EYA3: variants seen among roughly 807,000 people sequenced by gnomAD.
EYA3 encodes the protein EYA transcriptional coactivator and phosphatase 3.
In EYA3, 39 loss-of-function variants were observed where a neutral mutation model predicts 80.0. The ratio of observed to expected loss-of-function variants is 0.49; its 90% confidence interval spans 0.38 to 0.64. EYA3 has a LOEUF of 0.64. Ranked by LOEUF, EYA3 falls within the 30% of genes least tolerant of loss-of-function variation. The pLI, the probability that EYA3 is intolerant of heterozygous loss-of-function variation, is 0.00. For missense variants in EYA3, 523 were observed against 676.1 expected (o/e 0.77, Z 2.51); for synonymous variants, 206 against 232.8 (o/e 0.88, Z 1.05).
intron 13 of EYA3, among the ~76,000 whole-genome samples, chr1:27,995,421 G>GA (rs55902170): frequency 0.074 from 5,830 of 79,176 alleles, 152 homozygotes; most frequent in Non-Finnish European, 0.093. Flanking sequence ...ATCTTAAAAG[G>GA]AAAAAAAAAA....
intron 1 of EYA3, among the ~76,000 whole-genome samples, chr1:28,063,300 TA>T (rs1280274018): frequency 2.2e-4 from 27 of 124,790 alleles, no homozygotes; most frequent in African/African-American, 4.2e-4. Context: ...CTTATATATA[TA>T]TATATTTTTT....
chr1:28,064,618 T>C (rs961162533), intron 1 of EYA3, among the ~76,000 whole-genome samples: 10 of 152,142 alleles, frequency 6.6e-5, no homozygotes, highest in Non-Finnish European at 2.9e-5. Context: ...TATCATTTAC[T>C]GAGCATATAT....
At chr1:28,063,315 A>T (rs970332649) in intron 1 of EYA3, among the ~76,000 whole-genome samples, 1,528 of 80,646 alleles carry the variant, frequency 0.019, 14 homozygotes, top group African/African-American at 0.062. Context: ...ATTTTTTTTT[A>T]TTTTTAATTT....
intron 1 of EYA3, among the ~76,000 whole-genome samples, chr1:28,061,901 C>T (rs891577475): frequency 2.1e-5 from 3 of 141,726 alleles, no homozygotes; most frequent in East Asian, 2.1e-4. Flanking sequence ...GCCCGGTCAA[C>T]GGTTTTTTTT....
intron 7 of EYA3, among the ~76,000 whole-genome samples, chr1:28,022,635 C>T (rs7537329): frequency 0.025 from 3,766 of 152,222 alleles, 92 homozygotes; most frequent in African/African-American, 0.063. Context: ...AGTATACCTA[C>T]ATATATTTGT....
At chr1:28,075,519 G>A (rs1174255621) in intron 1 of EYA3, among the ~76,000 whole-genome samples, 2 of 152,178 alleles carry the variant, frequency 1.3e-5, no homozygotes, top group Non-Finnish European at 2.9e-5. Flanking sequence ...TCTGGGAATG[G>A]AGTTTTGAAG....
chr1:27,995,911 C>T (rs944692962), intron 13 of EYA3, among the ~76,000 whole-genome samples: 9 of 152,186 alleles, frequency 5.9e-5, no homozygotes, highest in African/African-American at 2.2e-4. Flanking sequence ...CTCACTCTGT[C>T]ACCCAGGTTG....
At chr1:27,991,520 G>A (rs533808950) in intron 14 of EYA3, among the ~76,000 whole-genome samples, 1 of 152,212 alleles carries the variant, frequency 6.6e-6, no homozygotes, top group South Asian at 2.1e-4. Context: ...ATTTTCTACA[G>A]TGAAGGTTAA....
intron 16 of EYA3, among the ~76,000 whole-genome samples, chr1:27,984,347 T>G (rs2148713082): frequency 6.6e-6 from 1 of 152,324 alleles, no homozygotes; most frequent in East Asian, 1.9e-4. Flanking sequence ...TATATTTAAC[T>G]GTATGTAAAA....
intron 3 of EYA3, among the ~76,000 whole-genome samples, chr1:28,043,546 T>G (rs1274608587): frequency 6.6e-6 from 1 of 152,008 alleles, no homozygotes; most frequent in African/African-American, 2.4e-5. Context: ...GTTTTCAAAT[T>G]ACACGTTTGG....
In EYA3 at chr1:28,010,943, A is replaced by T. The variant is rs766211409; in HGVS notation, c.909+4T>A. Reference sequence around the variant, plus strand: ...TAGGTAACTAAATCAGTTTCTTCTCATACTTCTAATTCACTGTCTTGGGAA... The same window carrying T: ...TAGGTAACTAAATCAGTTTCTTCTCTTACTTCTAATTCACTGTCTTGGGAA... On this transcript the variant is annotated splice_donor_region_variant and intron_variant, in intron 10 of 17. Coordinates refer to ENST00000373871, the MANE Select transcript of EYA3 (RefSeq NM_001990.4). The T allele has an allele frequency of 2.5e-6, 4 of 1,609,242 alleles. No homozygotes were observed. The Admixed American group carries it at 6.8e-5, about 28-fold the overall frequency.
intron 1 of EYA3, among the ~76,000 whole-genome samples, chr1:28,064,382 AT>A (rs1644754527): frequency 6.9e-6 from 1 of 144,386 alleles, no homozygotes; most frequent in Non-Finnish European, 1.5e-5. Flanking sequence ...CTCTCTCTAT[AT>A]ATATATATAT....
intron 1 of EYA3, among the ~76,000 whole-genome samples, chr1:28,069,670 G>A (rs1644956603): frequency 6.6e-6 from 1 of 150,408 alleles, no homozygotes; most frequent in African/African-American, 2.4e-5. Flanking sequence ...AAGAGAGGAG[G>A]GGGGAAATCC....
intron 12 of EYA3, among the ~76,000 whole-genome samples, chr1:27,997,944 T>G (rs1412648400): frequency 1.3e-5 from 2 of 152,226 alleles, no homozygotes; most frequent in Non-Finnish European, 2.9e-5. Context: ...AATGATTTTC[T>G]CAAAGTCATA....
intron 1 of EYA3, among the ~76,000 whole-genome samples, chr1:28,081,490 A>G (rs191158340): frequency 7.2e-5 from 11 of 152,350 alleles, no homozygotes; most frequent in African/African-American, 2.6e-4. Context: ...ACTGATTTTT[A>G]TAAGATATTT....
chr1:28,012,925 GCATCAGGTATA>G (rs1641790329), intron 9 of EYA3, among the ~76,000 whole-genome samples, 175 bp downstream of exon 9: 1 of 152,186 alleles, frequency 6.6e-6, no homozygotes, highest in Non-Finnish European at 1.5e-5. Context: ...TCCGTTCTCA[GCATCAGGTATA>G]CATTCAGCCT....
chr1:28,023,101 C>A, intron 7 of EYA3, among the ~76,000 whole-genome samples: 1 of 90,996 alleles, frequency 1.1e-5, no homozygotes, highest in African/African-American at 3.8e-5. Flanking sequence ...GGGGGAAAAC[C>A]AAAAACTAAA....
At chr1:27,997,079 T>A (rs939154716) in intron 13 of EYA3, among the ~76,000 whole-genome samples, 2 of 152,238 alleles carry the variant, frequency 1.3e-5, no homozygotes, top group African/African-American at 2.4e-5. Context: ...ACCTCTCCAG[T>A]GTTGGCACTA....
At chr1:28,033,188 T>G (rs889896782) in intron 6 of EYA3, among the ~76,000 whole-genome samples, 4 of 152,174 alleles carry the variant, frequency 2.6e-5, no homozygotes, top group African/African-American at 9.6e-5. Flanking sequence ...GATGACACAA[T>G]GTATCAAAAT....
Sources: allele counts gnomAD v4.1 joint callset (sites outside exome capture counted in the v4.1 genomes callset), GRCh38; gene constraint gnomAD v4.1.1; transcripts MANE v1.5; gene names NCBI Gene and HGNC (gene_info 2026-07-23, HGNC 2026-07-21).